NPFFR2: variants seen among roughly 807,000 people sequenced by gnomAD.
The protein encoded by NPFFR2 is G-protein coupled receptor 74.
In NPFFR2, 15 loss-of-function variants were observed where a neutral mutation model predicts 13.1. The ratio of observed to expected loss-of-function variants is 1.15; its 90% confidence interval spans 0.77 to 1.76. The LOEUF (loss-of-function observed/expected upper bound fraction) is 1.76. Among genes scored for constraint, NPFFR2 ranks in the 40% most tolerant of loss-of-function variants. NPFFR2 has a pLI of 0.00. For missense variants in NPFFR2, 572 were observed against 503.5 expected (o/e 1.14, Z -1.30); for synonymous variants, 190 against 175.7 (o/e 1.08, Z -0.65).
At chr4:72,085,491 C>G (rs1720742092) in intron 1 of NPFFR2, among the ~76,000 whole-genome samples, 1 of 152,102 alleles carries the variant, frequency 6.6e-6, no homozygotes, top group Non-Finnish European at 1.5e-5. Flanking sequence ...TAATCTACTT[C>G]TTCTTTTGTT....
chr4:72,042,058 G>A (rs1350904418), intron 1 of NPFFR2, among the ~76,000 whole-genome samples: 1 of 151,980 alleles, frequency 6.6e-6, no homozygotes, highest in Non-Finnish European at 1.5e-5. Flanking sequence ...TCTTTGCCAT[G>A]GCCAATAATA....
chr4:72,131,372 C>G (rs568498743), intron 2 of NPFFR2, among the ~76,000 whole-genome samples: 1 of 144,068 alleles, frequency 6.9e-6, no homozygotes, highest in Non-Finnish European at 1.5e-5. Context: ...CGCATATTCT[C>G]ACTCATAGGT....
rs1560411145 is a variant in NPFFR2, at chr4:72,100,565, A to AC, written c.-7-28020_-7-28019insC. Among the ~76,000 whole-genome samples the AC allele has an allele frequency of 1.9e-3, 289 of 150,506 alleles. 4 individuals carry two copies. Among genetic ancestry groups the AC allele is most frequent in the African/African-American group, 6.5e-3 (260 of 40,042 alleles). On this transcript the variant is annotated intron_variant, in intron 1 of 3. Transcript: ENST00000308744. ...GGATATTCTTATACTACTACTACTA[A>AC]TACTAGTACTATTATCAGTTTCTTT... is the stretch of plus-strand genomic sequence containing the variant.
At chr4:72,076,745 T>G (rs1220855464) in intron 1 of NPFFR2, among the ~76,000 whole-genome samples, 1 of 152,120 alleles carries the variant, frequency 6.6e-6, no homozygotes, top group South Asian at 2.1e-4. Context: ...TACAACCTAA[T>G]GTAGCCAAGT....
At position 72,144,616 on chromosome 4, in the gene NPFFR2, C is replaced by G. The variant is rs144359366; in HGVS notation, c.429-2362C>G. 3.0e-3 allele frequency among the ~76,000 whole-genome samples: 450 copies of G among 152,218 alleles called. 2 individuals are homozygous for G. The highest frequency in any genetic ancestry group is 0.011 in the African/African-American group (442 of 41,538). ...TTCCAAAGCACCTACTGTACAACTT[C>G]AACTGCACATTCAACAAAAGGCACC... On this transcript the variant is annotated intron_variant, in intron 3 of 3. Coordinates refer to ENST00000308744, the MANE Select transcript of NPFFR2 (RefSeq NM_004885.3).
chr4:72,057,517 C>G (rs1719789219), intron 1 of NPFFR2, among the ~76,000 whole-genome samples: 1 of 151,898 alleles, frequency 6.6e-6, no homozygotes, highest in Admixed American at 6.6e-5. Context: ...TTCTTTGTTG[C>G]TATGTCTGAA....
At chr4:72,122,237 A>G (rs965739860) in intron 1 of NPFFR2, among the ~76,000 whole-genome samples, 3 of 152,196 alleles carry the variant, frequency 2.0e-5, no homozygotes, top group African/African-American at 7.2e-5. Flanking sequence ...ATACAGGAGC[A>G]CCCAGATTCA....
chr4:72,079,441 A>C (rs999770243), intron 1 of NPFFR2, among the ~76,000 whole-genome samples: 1 of 152,194 alleles, frequency 6.6e-6, no homozygotes, highest in Non-Finnish European at 1.5e-5. Context: ...GTTAGTCAAC[A>C]TAATCAACTT....
intron 1 of NPFFR2, among the ~76,000 whole-genome samples, chr4:72,088,477 T>C (rs1436852016): frequency 6.6e-6 from 1 of 152,146 alleles, no homozygotes; most frequent in African/African-American, 2.4e-5. Flanking sequence ...TAGACATATG[T>C]AGAGAGACTA....
intron 1 of NPFFR2, among the ~76,000 whole-genome samples, chr4:72,057,500 C>G (rs1474104664): frequency 3.3e-5 from 5 of 151,992 alleles, no homozygotes; most frequent in Admixed American, 3.3e-4. Context: ...TTTGTCTTCA[C>G]ATAACCTTCT....
intron 1 of NPFFR2, among the ~76,000 whole-genome samples, chr4:72,096,467 A>G (rs1322309933): frequency 6.6e-6 from 1 of 152,186 alleles, no homozygotes; most frequent in Non-Finnish European, 1.5e-5. Context: ...GTATTACAAG[A>G]CAAACATAAA....
intron 1 of NPFFR2, among the ~76,000 whole-genome samples, chr4:72,121,980 C>T (rs906572944): frequency 1.6e-4 from 24 of 151,888 alleles, no homozygotes; most frequent in Non-Finnish European, 3.1e-4. Context: ...AGTCAAAATC[C>T]ACTGGTGTGC....
At chr4:72,065,216 C>G (rs577476182) in intron 1 of NPFFR2, among the ~76,000 whole-genome samples, 1 of 151,776 alleles carries the variant, frequency 6.6e-6, no homozygotes, top group African/African-American at 2.4e-5. Context: ...GAAATAATTC[C>G]ATAGGCAAGT....
At position 72,138,137 on chromosome 4, in the gene NPFFR2, T is replaced by C. The variant is rs759104254; in HGVS notation, c.426T>C (p.Asp142=). 6.2e-6 allele frequency: 10 copies of C among 1,609,922 alleles called. No individual in the cohort carries two copies. The highest frequency in any genetic ancestry group is 1.1e-5 in the South Asian group (1 of 90,954). The change falls in exon 3 of 4, where the codon GAT becomes GAC. Residue 142 remains aspartate (D), a splice_region_variant and synonymous_variant. Coordinates refer to ENST00000308744, the MANE Select transcript of NPFFR2 (RefSeq NM_004885.3). The part of the protein sequence containing the change: ...SVFTLVAIAV[D]RFQCVVYPFK... ...TTACGTTAGTTGCAATTGCTGTAGA[T>C]AGGTAAGTCTGCACCAAACTCTGAA...
intron 1 of NPFFR2, among the ~76,000 whole-genome samples, chr4:72,111,960 T>C (rs946126064): frequency 2.0e-5 from 3 of 152,064 alleles, no homozygotes; most frequent in African/African-American, 7.2e-5. Context: ...TGAAAACCTC[T>C]ATCTAGTCAT....
chr4:72,074,204 A>C (rs1207238087), intron 1 of NPFFR2, among the ~76,000 whole-genome samples: 1 of 152,086 alleles, frequency 6.6e-6, no homozygotes. Context: ...ATGACAATCC[A>C]GGTAAAGATT....
At chr4:72,092,219 T>G (rs1720934150) in intron 1 of NPFFR2, among the ~76,000 whole-genome samples, 1 of 152,120 alleles carries the variant, frequency 6.6e-6, no homozygotes, top group Admixed American at 6.6e-5. Flanking sequence ...ATAATCTCAA[T>G]TTTCTTAAAA....
chr4:72,128,953 T>C (rs903832565), intron 2 of NPFFR2, 34 bp downstream of exon 2: 6 of 1,482,212 alleles, frequency 4.0e-6, no homozygotes, highest in Non-Finnish European at 5.6e-6. Flanking sequence ...GAAGATAATA[T>C]GAAATATTTG....
At chr4:72,032,237 T>C in intron 1 of NPFFR2, 37 bp downstream of exon 1, 3 of 1,553,192 alleles carry the variant, frequency 1.9e-6, no homozygotes, top group Non-Finnish European at 2.6e-6. Context: ...GGGCCCCCGC[T>C]TGGGGGCGCG....
Sources: allele counts gnomAD v4.1 joint callset (sites outside exome capture counted in the v4.1 genomes callset), GRCh38; gene constraint gnomAD v4.1.1; transcripts MANE v1.5; gene names NCBI Gene and HGNC (gene_info 2026-07-23, HGNC 2026-07-21).